Variants in PDZK1 observed in about 807,000 individuals in gnomAD.
The protein encoded by PDZK1 is PDZ domain containing 1, also known as Na(+)/H(+) exchange regulatory cofactor NHE-RF3.
PDZK1 carries 23 observed loss-of-function variants against 38.1 expected under a neutral mutation model. The ratio of observed to expected loss-of-function variants is 0.60; its 90% CI spans 0.43 to 0.85. PDZK1 has a LOEUF of 0.85. PDZK1 is among the 40% of genes least tolerant of loss of function. PDZK1 has a pLI of 0.00. For synonymous variants in PDZK1, 98 were observed against 186.2 expected (o/e 0.53, Z 3.86); for missense variants, 297 against 504.3 (o/e 0.59, Z 3.94).
At chr1:145,696,092 T>C (rs1655612287) in intron 1 of PDZK1, among the ~76,000 whole-genome samples, 2 of 152,210 alleles carry the variant, frequency 1.3e-5, no homozygotes, top group Admixed American at 1.3e-4. Flanking sequence ...TTCACTGTCA[T>C]GAGGAAAGAT....
chr1:145,689,315 G>A (rs934064635), intron 1 of PDZK1, among the ~76,000 whole-genome samples: 2 of 152,196 alleles, frequency 1.3e-5, no homozygotes, highest in Non-Finnish European at 2.9e-5. Flanking sequence ...CTGGGCTCAA[G>A]TGATCTTCAT....
intron 6 of PDZK1, among the ~76,000 whole-genome samples, chr1:145,675,974 T>TA (rs1211929861): frequency 1.3e-5 from 2 of 151,706 alleles, no homozygotes; most frequent in Non-Finnish European, 2.9e-5. Context: ...GCTGAGAACA[T>TA]ACCATTGCAC....
In PDZK1 at chr1:145,682,572, C is replaced by T. The variant is rs1270047473; in HGVS notation, c.525G>A (p.Leu175=). The T allele has an allele frequency of 6.2e-7, 1 of 1,611,372 alleles. No individual in the cohort carries two copies. The highest frequency in any genetic ancestry group is 8.5e-7 in the Non-Finnish European group (1 of 1,179,760). ...TCACTTCAATCAAGTGATCATCAGCCAGAACTCCAGCTCTCATAGCCACAC... is the reference window on the plus strand; with the variant it reads ...TCACTTCAATCAAGTGATCATCAGCTAGAACTCCAGCTCTCATAGCCACAC... ...PQGVAMRAGV[L]ADDHLIEVNG... is the part of the protein sequence containing the mutation. Residue 175 remains leucine, a synonymous_variant, in exon 4 of 9, where the codon CTG becomes CTA. Coordinates refer to ENST00000417171, the MANE Select transcript of PDZK1 (RefSeq NM_001201325.2).
Position 145,707,155 on chromosome 1 carries a change from C to G in PDZK1, c.-3+162G>C, listed in dbSNP as rs587748364. ...TCAGAGCGTGGATCATCTCTCACCC[C>G]CAACCACCGCCAAAGGGGCCTGGCT... On this transcript the variant is annotated intron_variant, in intron 1 of 8. Transcript: ENST00000417171. Among the ~76,000 whole-genome samples the G allele has an allele frequency of 3.7e-3, 557 of 152,232 alleles. 2 individuals carry two copies. Among genetic ancestry groups the G allele is most frequent in the African/African-American group, 0.012 (518 of 41,534 alleles).
chr1:145,686,388 A>G, intron 3 of PDZK1, 89 bp downstream of exon 3: 1 of 1,524,112 alleles, frequency 6.6e-7, no homozygotes. Context: ...GTCAAAGAAG[A>G]AAAGTCATTA....
At chr1:145,674,171 G>A in intron 6 of PDZK1, 1 of 985,262 alleles carries the variant, frequency 1.0e-6, no homozygotes, top group Non-Finnish European at 1.2e-6. Context: ...AAAATTGCTA[G>A]TTTCTTTTGA....
chr1:145,679,015 A>T (rs1419397793), intron 5 of PDZK1, among the ~76,000 whole-genome samples: 1 of 151,724 alleles, frequency 6.6e-6, no homozygotes, highest in Non-Finnish European at 1.5e-5. Context: ...GTCATAAAAG[A>T]TGGGGAAGAA....
chr1:145,699,880 A>T (rs1007614233), intron 1 of PDZK1, among the ~76,000 whole-genome samples: 1 of 152,148 alleles, frequency 6.6e-6, no homozygotes, highest in African/African-American at 2.4e-5. Context: ...TGAGCTGAAG[A>T]TAGAATACCC....
intron 1 of PDZK1, among the ~76,000 whole-genome samples, chr1:145,699,489 A>G (rs1289416021): frequency 6.6e-6 from 1 of 152,170 alleles, no homozygotes; most frequent in African/African-American, 2.4e-5. Flanking sequence ...GGAATGTCAG[A>G]CTGTGGGGCC....
At chr1:145,683,525 C>T (rs1247319602) in intron 3 of PDZK1, among the ~76,000 whole-genome samples, 4 of 152,096 alleles carry the variant, frequency 2.6e-5, no homozygotes, top group Admixed American at 6.5e-5. Flanking sequence ...GGGAAGAACC[C>T]GAATGCATTT....
At chr1:145,685,890 T>C (rs1654711751) in intron 3 of PDZK1, among the ~76,000 whole-genome samples, 1 of 152,160 alleles carries the variant, frequency 6.6e-6, no homozygotes, top group South Asian at 2.1e-4. Flanking sequence ...AGCTCAAAGA[T>C]GCGCCTCAGA....
chr1:145,684,623 A>G (rs1654591223), intron 3 of PDZK1, among the ~76,000 whole-genome samples: 4 of 152,130 alleles, frequency 2.6e-5, no homozygotes, highest in Admixed American at 1.3e-4. Flanking sequence ...TAGGACATCC[A>G]TCCTTGAACA....
At chr1:145,702,910 A>C (rs1272065199) in intron 1 of PDZK1, among the ~76,000 whole-genome samples, 1 of 152,092 alleles carries the variant, frequency 6.6e-6, no homozygotes, top group East Asian at 1.9e-4. Flanking sequence ...AAGAAGTTCA[A>C]GCTTCTTGCT....
Position 145,686,496 on chromosome 1 carries a change from G to C in PDZK1, c.441C>G (p.Phe147Leu), listed in dbSNP as rs781962205. 1 of 1,611,744 alleles carries C rather than the reference G, an allele frequency of 6.2e-7. No individual in the cohort carries two copies. ...TCTCACCTTGGACAGTTTTCAGAGA[G>C]AAGCCATAGCTGCCTCCTTCCTTCA... ...YLVKEGGSYG[F>L]SLKTVQGKKG... The change falls in exon 3 of 9, where the codon TTC becomes TTG. Residue 147 changes from phenylalanine to leucine, a missense_variant. Physicochemically the swap from Phe to Leu is conservative, Grantham distance 22. This residue lies in a region of PDZK1 where 159 missense variants were observed against 200.0 expected (regional missense o/e 0.79). Transcript: ENST00000417171.
At chr1:145,692,026 T>A (rs587751722) in intron 1 of PDZK1, among the ~76,000 whole-genome samples, 26 of 152,128 alleles carry the variant, frequency 1.7e-4, no homozygotes, top group African/African-American at 5.3e-4. Context: ...AAATTTTGCT[T>A]TTTTCCAAAA....
Position 145,692,638 on chromosome 1 carries a change from G to A in PDZK1, c.-2-4615C>T, listed in dbSNP as rs1469289561. Among the ~76,000 whole-genome samples the A allele has an allele frequency of 3.3e-5, 5 of 152,062 alleles. No homozygotes were observed. In the Middle Eastern group the frequency reaches 0.014, roughly 414 times the overall value. On this transcript the variant is annotated intron_variant, in intron 1 of 8. Transcript: ENST00000417171. Reference sequence around the variant, plus strand: ...GGGAAGGGGAATCGCTTGGACCTGGGGGGCAGAGGTTGCAGTGAGCCAAAA... The same window carrying A: ...GGGAAGGGGAATCGCTTGGACCTGGAGGGCAGAGGTTGCAGTGAGCCAAAA...
chr1:145,689,191 C>T (rs1191379606), intron 1 of PDZK1, among the ~76,000 whole-genome samples: 1 of 152,200 alleles, frequency 6.6e-6, no homozygotes, highest in Non-Finnish European at 1.5e-5. Context: ...TTAGGCGATC[C>T]TCCCACCTCA....
At chr1:145,697,630 CTCTGT>C (rs1655701073) in intron 1 of PDZK1, among the ~76,000 whole-genome samples, 1 of 152,018 alleles carries the variant, frequency 6.6e-6, no homozygotes, top group South Asian at 2.1e-4. Context: ...GACAGTCTCG[CTCTGT>C]CACCCAGGCT....
At chr1:145,690,625 A>G (rs1655165332) in intron 1 of PDZK1, among the ~76,000 whole-genome samples, 1 of 152,222 alleles carries the variant, frequency 6.6e-6, no homozygotes, top group South Asian at 2.1e-4. Context: ...TGTGATCAGC[A>G]TATGAATGCT....
Sources: gnomAD v4.1 joint callset for allele counts (sites outside exome capture counted in the v4.1 genomes callset) on GRCh38, gnomAD v4.1.1 for gene constraint, gnomAD v4.1.1 regional missense constraint, MANE v1.5 for transcripts, NCBI Gene and HGNC (gene_info 2026-07-23, HGNC 2026-07-21) for gene names.